CEP85L: variants seen among roughly 807,000 people sequenced by gnomAD.
CEP85L encodes the protein centrosomal protein 85L, also known as centrosomal protein of 85 kDa-like.
CEP85L carries 60 observed loss-of-function variants against 100.3 expected under a neutral mutation model. That is an observed-to-expected ratio of 0.60 (90% CI 0.49 to 0.74). CEP85L has a LOEUF of 0.74. CEP85L is among the 30% of genes least tolerant of loss of function. The pLI, the probability that CEP85L is intolerant of heterozygous loss-of-function variation, is 0.00. For synonymous variants in CEP85L, 319 were observed against 322.7 expected, an observed-to-expected ratio of 0.99 and a Z score of 0.12; for missense variants, 973 against 936.2, an observed-to-expected ratio of 1.04 and a Z score of -0.51.
chr6:118,514,971 A>G (rs898394625), intron 4 of CEP85L, among the ~76,000 whole-genome samples: 2 of 150,830 alleles, frequency 1.3e-5, no homozygotes, highest in Non-Finnish European at 3.0e-5. Flanking sequence ...TGCCCGGCTA[A>G]GTTTTTTTTT....
At chr6:118,708,048 C>T (rs1487793226) in intron 1 of CEP85L, among the ~76,000 whole-genome samples, 1 of 152,138 alleles carries the variant, frequency 6.6e-6, no homozygotes, top group Non-Finnish European at 1.5e-5. Context: ...AACCGACAAA[C>T]CTACTAACTC....
intron 4 of CEP85L, 102 bp downstream of exon 4, chr6:118,523,700 G>A: frequency 1.9e-6 from 1 of 527,876 alleles, no homozygotes. Context: ...GAATCTGTAA[G>A]GTTCTAGATC....
chr6:118,495,514 G>A (rs1389362810), intron 5 of CEP85L, among the ~76,000 whole-genome samples: 5 of 152,224 alleles, frequency 3.3e-5, no homozygotes, highest in Admixed American at 2.6e-4. Context: ...TATGAAGAAG[G>A]ATGTGTTTGC....
intron 6 of CEP85L, among the ~76,000 whole-genome samples, chr6:118,485,842 A>C (rs1055710499): frequency 7.9e-5 from 12 of 152,242 alleles, no homozygotes; most frequent in African/African-American, 2.9e-4. Flanking sequence ...TACATTACAG[A>C]GGTAAACATG....
intron 10 of CEP85L, among the ~76,000 whole-genome samples, chr6:118,477,695 A>G (rs985222842): frequency 6.6e-6 from 1 of 152,150 alleles, no homozygotes; most frequent in Admixed American, 6.5e-5. Context: ...AGAGGCAGTA[A>G]CACATGAAAT....
chr6:118,627,916 A>C (rs1394553436), intron 2 of CEP85L, among the ~76,000 whole-genome samples: 1 of 152,144 alleles, frequency 6.6e-6, no homozygotes, highest in Non-Finnish European at 1.5e-5. Flanking sequence ...GTTAAAGGGA[A>C]ATACCCAACT....
rs115662334 is a variant in CEP85L at position 118,592,631 on chromosome 6, T to C, written c.233-26315A>G. Among the ~76,000 whole-genome samples the C allele has an allele frequency of 9.9e-3, 1,509 of 152,256 alleles. 36 individuals carry two copies. The highest frequency in any genetic ancestry group is 0.034 in the African/African-American group (1,397 of 41,560). On this transcript the variant is annotated intron_variant, in intron 2 of 12. Coordinates refer to ENST00000368491, the MANE Select transcript of CEP85L (RefSeq NM_001042475.3). ...AAAAGCAGAACAGGCTAGAAAATGG[T>C]TGAAATATCACCTACCTTATATATA... is the stretch of plus-strand genomic sequence containing the variant.
rs1167150293 is a variant in CEP85L at position 118,470,492 on chromosome 6, T to C, written c.2022+45A>G. The C allele has an allele frequency of 6.2e-6, 7 of 1,137,082 alleles. No individual in the cohort carries two copies. The South Asian group carries it at 9.7e-5, about 16-fold the overall frequency. 70.4% of individuals were successfully genotyped at this position (1,137,082 alleles called of 1,614,324 possible). ...TAATATCTATAAAATAAGCATTTTA[T>C]AGTGAATCATCCTTTCAAAGCAAAA... On this transcript the variant is annotated intron_variant, in intron 11 of 12. Transcript: ENST00000368491.
At chr6:118,624,155 C>A (rs1224783843) in intron 2 of CEP85L, among the ~76,000 whole-genome samples, 2 of 152,170 alleles carry the variant, frequency 1.3e-5, no homozygotes, top group Non-Finnish European at 2.9e-5. Context: ...AAGACTCCTG[C>A]AGTTAATCCT....
chr6:118,600,975 A>G (rs1484642130), intron 2 of CEP85L, among the ~76,000 whole-genome samples: 1 of 152,178 alleles, frequency 6.6e-6, no homozygotes, highest in Non-Finnish European at 1.5e-5. Flanking sequence ...CCATTTCTCC[A>G]TTGGTAAGCA....
intron 1 of CEP85L, among the ~76,000 whole-genome samples, chr6:118,636,903 C>CTTAA (rs1049984442): frequency 6.6e-6 from 1 of 152,132 alleles, no homozygotes; most frequent in Non-Finnish European, 1.5e-5. Flanking sequence ...TGAGCCAATT[C>CTTAA]TTAATTAATT....
intron 2 of CEP85L, among the ~76,000 whole-genome samples, chr6:118,576,063 A>T (rs1780211291): frequency 6.6e-6 from 1 of 152,112 alleles, no homozygotes; most frequent in Admixed American, 6.6e-5. Flanking sequence ...GGAATATTAT[A>T]CTCCCTGGCA....
intron 5 of CEP85L, among the ~76,000 whole-genome samples, chr6:118,499,413 C>T (rs1375303614): frequency 1.3e-5 from 2 of 152,154 alleles, no homozygotes; most frequent in Admixed American, 6.5e-5. Flanking sequence ...TGCCTGTAAT[C>T]CCAGCACTTT....
intron 1 of CEP85L, among the ~76,000 whole-genome samples, chr6:118,671,963 T>A (rs1776319410): frequency 6.6e-6 from 1 of 152,112 alleles, no homozygotes; most frequent in East Asian, 1.9e-4. Context: ...GGACAAAAAT[T>A]GTCTTTCTTC....
At chr6:118,466,353 A>G (rs553151561) in intron 12 of CEP85L, among the ~76,000 whole-genome samples, 48 of 152,362 alleles carry the variant, frequency 3.2e-4, no homozygotes, top group African/African-American at 1.2e-3. Flanking sequence ...AACATCTGCC[A>G]TGATATAGGA....
chr6:118,691,596 G>A (rs567704797), intron 1 of CEP85L, among the ~76,000 whole-genome samples: 146 of 145,250 alleles, frequency 1.0e-3, no homozygotes, highest in African/African-American at 3.5e-3. Flanking sequence ...TTAGCCAGGC[G>A]TGGTGGCAGG....
At chr6:118,589,288 T>A (rs892706045) in intron 2 of CEP85L, 1 of 234,566 alleles carries the variant, frequency 4.3e-6, no homozygotes, top group African/African-American at 2.3e-5. Flanking sequence ...TCATGTACAA[T>A]AAATGGGCTG....
At chr6:118,472,283 G>T (rs969366633) in intron 10 of CEP85L, among the ~76,000 whole-genome samples, 1 of 151,980 alleles carries the variant, frequency 6.6e-6, no homozygotes, top group Non-Finnish European at 1.5e-5. Context: ...TTCTCCATCA[G>T]AAAAACTGAA....
chr6:118,519,473 TGGCGGGGGGGG>T (rs1562222918), intron 4 of CEP85L, among the ~76,000 whole-genome samples: 61 of 18,202 alleles, frequency 3.4e-3, no homozygotes, highest in African/African-American at 4.0e-3. Flanking sequence ...TGTGTGTGTG[TGGCGGGGGGGG>T]GTTGTGAAAC....
Sources: allele counts gnomAD v4.1 joint callset (sites outside exome capture counted in the v4.1 genomes callset), GRCh38; gene constraint gnomAD v4.1.1; transcripts MANE v1.5; gene names NCBI Gene and HGNC (gene_info 2026-07-23, HGNC 2026-07-21).